The following ANK2 variants were observed in gnomAD, a reference collection of about 807,000 sequenced individuals.
ANK2 encodes the protein ankyrin-2.
In ANK2, 83 loss-of-function variants were observed where a neutral mutation model predicts 360.5. The ratio of observed to expected loss-of-function variants is 0.23; its 90% CI spans 0.19 to 0.28. The LOEUF is 0.28. Among genes scored for constraint, ANK2 ranks in the 10% least tolerant of loss-of-function variants. The pLI, the probability that ANK2 is intolerant of heterozygous loss-of-function variation, is 1.00. For synonymous variants in ANK2, 1,740 were observed against 1,759.5 expected (o/e 0.99, Z 0.28); for missense variants, 4,201 against 4,795.7 (o/e 0.88, Z 3.66).
upstream of ANK2, among the ~76,000 whole-genome samples, chr4:113,047,084 G>C (rs781077052): frequency 1.3e-5 from 2 of 152,124 alleles, no homozygotes; most frequent in Non-Finnish European, 2.9e-5. Context: ...TTTCCATTTT[G>C]CTTCTTCTTT....
intron 5 of ANK2, among the ~76,000 whole-genome samples, chr4:113,236,082 A>G (rs1256039698): frequency 6.6e-6 from 1 of 151,680 alleles, no homozygotes; most frequent in Non-Finnish European, 1.5e-5. Context: ...TTTTTTCTCT[A>G]TGGAAATGGA....
chr4:113,145,829 C>T (rs1485459780), intron 1 of ANK2: 1 of 1,287,354 alleles, frequency 7.8e-7, no homozygotes. Context: ...GTGCAGAGGG[C>T]AAGGACGGGC....
At chr4:113,067,556 C>A (rs1418787749) in intron 1 of ANK2, among the ~76,000 whole-genome samples, 1 of 152,120 alleles carries the variant, frequency 6.6e-6, no homozygotes, top group Admixed American at 6.6e-5. Context: ...GTTTTAGGAA[C>A]CATCAGCATG....
intron 1 of ANK2, among the ~76,000 whole-genome samples, chr4:113,087,378 T>C (rs1390140643): frequency 6.6e-6 from 1 of 152,202 alleles, no homozygotes; most frequent in Admixed American, 6.5e-5. Context: ...TAGAACCAAA[T>C]TGTAAAGGTT....
At chr4:113,121,322 T>C (rs1184384568) in intron 1 of ANK2, among the ~76,000 whole-genome samples, 1 of 152,190 alleles carries the variant, frequency 6.6e-6, no homozygotes, top group Non-Finnish European at 1.5e-5. Flanking sequence ...AGAAAAAAAG[T>C]AATATTATTT....
chr4:112,830,647 G>A (rs540319671), intron 1 of ANK2, among the ~76,000 whole-genome samples: 18 of 151,896 alleles, frequency 1.2e-4, no homozygotes, highest in African/African-American at 2.7e-4. Context: ...AGGTGACAAC[G>A]TGCTAACAGC....
At chr4:112,779,517 T>C in the ANK2 span, among the ~76,000 whole-genome samples, 5 of 151,974 alleles carry the variant, frequency 3.3e-5, no homozygotes, top group Admixed American at 1.3e-4. Context: ...GGACTCGGTC[T>C]CTAAAAAAAG....
intron 1 of ANK2, among the ~76,000 whole-genome samples, chr4:112,850,110 T>A (rs1014851046): frequency 1.3e-5 from 2 of 152,122 alleles, no homozygotes; most frequent in African/African-American, 4.8e-5. Flanking sequence ...GTCTTCAGCC[T>A]CAAACTGAGA....
rs563827250 is a variant in ANK2, at chr4:112,912,045, C to T, written c.21+7531C>T. 7.2e-5 allele frequency among the ~76,000 whole-genome samples: 11 copies of T among 152,020 alleles called. 1 individual carries two copies. The highest frequency in any genetic ancestry group is 3.9e-4 in the Admixed American group (6 of 15,276). On this transcript the variant is annotated intron_variant, in intron 2 of 30. Transcript: ENST00000503271. ...ACAAAAAATTAGCCGAACGTGGTGG[C>T]GGGCGCCTGTAGTCCCAGCTACTCG...
intron 2 of ANK2, among the ~76,000 whole-genome samples, chr4:112,914,484 G>C (rs770384996): frequency 1.8e-4 from 28 of 152,100 alleles, no homozygotes; most frequent in Non-Finnish European, 3.2e-4. Flanking sequence ...TTAGCCGGGC[G>C]TGGTGGCACA....
chr4:112,871,044 TTTGA>T (rs146471686), intron 1 of ANK2, among the ~76,000 whole-genome samples: 1,538 of 152,282 alleles, frequency 0.01, 14 homozygotes, highest in Non-Finnish European at 0.017. Flanking sequence ...AATAAAAATA[TTTGA>T]TTGCGTTTGA....
intron 4 of ANK2, among the ~76,000 whole-genome samples, chr4:113,200,106 A>G (rs1394663904): frequency 6.6e-6 from 1 of 152,226 alleles, no homozygotes. Context: ...TCTTTGTAAT[A>G]TCATGCTATT....
chr4:113,288,268 A>C (rs2065729750), intron 19 of ANK2, 120 bp from the exon 20 acceptor site: 1 of 840,336 alleles, frequency 1.2e-6, no homozygotes, highest in Admixed American at 2.2e-5. Context: ...TAATATCTTT[A>C]GTCAAATGGA....
rs185899248 is a variant in ANK2 at position 113,205,884 on chromosome 4, C to A, written c.384+6775C>A. Among the ~76,000 whole-genome samples, 12 of 152,226 alleles carry A rather than the reference C, an allele frequency of 7.9e-5. No homozygotes were observed. In the East Asian group the frequency reaches 2.3e-3, roughly 29 times the overall value. ...TTAGAGCCATCCTTGGCTCTGAAAG[C>A]AAAAACTTGTAATGGAACATTCTGT... On this transcript the variant is annotated intron_variant, in intron 4 of 45. Coordinates refer to ENST00000357077, the MANE Select transcript of ANK2 (RefSeq NM_001148.6).
In ANK2 at chr4:113,353,509, A is replaced by AAAG; in HGVS notation, c.4893_4895dup (p.Lys1631_Asp1632insGlu). 6.2e-7 allele frequency: 1 copy of AAAG among 1,614,102 alleles called. No individual in the cohort carries two copies. Among genetic ancestry groups the AAAG allele is most frequent in the Non-Finnish European group, 8.5e-7 (1 of 1,179,966 alleles). ...TAAAGAGATCAAAGGAAAAGTAGAG[A>AAAG]AAGACTCAACTGGGCTAGTGAACTA... On this transcript the variant is annotated inframe_insertion, in exon 38 of 46. Coordinates refer to ENST00000357077, the MANE Select transcript of ANK2 (RefSeq NM_001148.6).
chr4:112,875,743 G>C (rs535567068), intron 1 of ANK2, among the ~76,000 whole-genome samples: 12 of 150,974 alleles, frequency 7.9e-5, no homozygotes, highest in African/African-American at 2.9e-4. Flanking sequence ...TTTTTTGTTT[G>C]TTTGTTTGTT....
In ANK2 at chr4:113,357,507, C is replaced by A; in HGVS notation, c.8889C>A (p.Thr2963=). 1 of 1,614,110 alleles carries A rather than the reference C, an allele frequency of 6.2e-7. No individual in the cohort carries two copies. The highest frequency in any genetic ancestry group is 8.5e-7 in the Non-Finnish European group (1 of 1,179,978). The change falls in exon 38 of 46, where the codon ACC becomes ACA. Residue 2963 remains threonine (T), a synonymous_variant. Transcript: ENST00000357077. The part of the protein sequence containing the change: ...SFHSSEVYSV[T]ITSPVEDVVV... ...ACTCTTCTGAAGTGTATTCTGTTACCATCACATCCCCTGTTGAAGACGTTG... is the reference window on the plus strand; with the variant it reads ...ACTCTTCTGAAGTGTATTCTGTTACAATCACATCCCCTGTTGAAGACGTTG...
At chr4:112,751,605 C>G in the ANK2 span, among the ~76,000 whole-genome samples, 9 of 145,934 alleles carry the variant, frequency 6.2e-5, no homozygotes, top group Non-Finnish European at 1.3e-4. Context: ...GATTAAGTAG[C>G]AGGGGGGAAG....
chr4:112,803,444 C>T, the ANK2 span, among the ~76,000 whole-genome samples: 1 of 151,840 alleles, frequency 6.6e-6, no homozygotes, highest in African/African-American at 2.4e-5. Context: ...AGGAGTAGAT[C>T]GTGATTTGAA....
Sources: allele counts gnomAD v4.1 joint callset (sites outside exome capture counted in the v4.1 genomes callset), GRCh38; gene constraint gnomAD v4.1.1; transcripts MANE v1.5; gene names NCBI Gene and HGNC (gene_info 2026-07-23, HGNC 2026-07-21).